Variants in SLC35D1 observed in about 807,000 individuals in gnomAD.
SLC35D1 encodes nucleotide sugar transporter SLC35D1.
A neutral mutation model predicts 46.7 loss-of-function variants in SLC35D1; 31 were observed. The observed-to-expected ratio is 0.66, with a 90% CI of 0.50 to 0.90. The LOEUF (loss-of-function observed/expected upper bound fraction) is 0.90, where lower values mean the gene tolerates loss of function less well. SLC35D1 is among the 40% of genes least tolerant of loss of function. SLC35D1 has a pLI of 0.00. For synonymous variants in SLC35D1, 195 were observed against 164.6 expected (o/e 1.18, Z -1.41); for missense variants, 397 against 426.2 (o/e 0.93, Z 0.60).
At chr1:66,976,832 T>A in the SLC35D1 span, 1 of 915,296 alleles carries the variant, frequency 1.1e-6, no homozygotes, top group African/African-American at 1.7e-5. Flanking sequence ...TACTTGATCT[T>A]AACCAGAAGG....
rs767110281 is a variant in SLC35D1 at position 67,001,431 on chromosome 1, A to C, written c.*2909T>G. 6.6e-6 allele frequency: 1 copy of C among 152,392 alleles called. No homozygotes were observed. Among genetic ancestry groups the C allele is most frequent in the Non-Finnish European group, 1.5e-5 (1 of 68,064 alleles). 9.4% of individuals were successfully genotyped at this position (152,392 alleles called of 1,614,324 possible). A position where few individuals can be genotyped will look rare whatever the true frequency, so the allele number is the denominator to read the frequency against. ...ATGCTGGCAATGTGTAGCCTGGCCAACTAGGGTTATTCCAATCCATTTAGC... is the reference window on the plus strand; with the variant it reads ...ATGCTGGCAATGTGTAGCCTGGCCACCTAGGGTTATTCCAATCCATTTAGC... On this transcript the variant is annotated 3_prime_UTR_variant, in exon 12 of 12. Coordinates refer to ENST00000235345, the MANE Select transcript of SLC35D1 (RefSeq NM_015139.3).
At chr1:67,044,600 C>T (rs988543902) in intron 7 of SLC35D1, among the ~76,000 whole-genome samples, 9 of 152,142 alleles carry the variant, frequency 5.9e-5, no homozygotes, top group African/African-American at 9.7e-5. Flanking sequence ...GCTTCTCACT[C>T]GATGATAGTA....
At chr1:67,052,650 TA>T in intron 3 of SLC35D1, 120 bp downstream of exon 3, 1 of 903,588 alleles carries the variant, frequency 1.1e-6, no homozygotes. Flanking sequence ...ACATTCATTA[TA>T]ACCACTCTAG....
the SLC35D1 span, among the ~76,000 whole-genome samples, chr1:66,979,852 C>G: frequency 2.6e-5 from 4 of 152,140 alleles, no homozygotes; most frequent in Non-Finnish European, 4.4e-5. Context: ...GCAACCTCCA[C>G]CGCCCGGGTT....
the SLC35D1 span, among the ~76,000 whole-genome samples, chr1:66,980,214 T>TA: frequency 2.0e-5 from 3 of 152,246 alleles, no homozygotes; most frequent in Non-Finnish European, 2.9e-5. Flanking sequence ...TCAAATTTGT[T>TA]ATGTAATTTT....
chr1:67,042,530 C>T (rs1014823058), intron 7 of SLC35D1, among the ~76,000 whole-genome samples: 2 of 152,074 alleles, frequency 1.3e-5, no homozygotes, highest in Admixed American at 6.5e-5. Flanking sequence ...AGCAAACTTA[C>T]AAAATTTTAT....
intron 10 of SLC35D1, among the ~76,000 whole-genome samples, chr1:67,017,595 G>A (rs1389251635): frequency 6.6e-6 from 1 of 152,124 alleles, no homozygotes; most frequent in Non-Finnish European, 1.5e-5. Context: ...CTTCAATGCT[G>A]ATTTGAACTA....
chr1:67,015,471 C>CCT (rs1667666358), intron 10 of SLC35D1, among the ~76,000 whole-genome samples: 1 of 150,906 alleles, frequency 6.6e-6, no homozygotes, highest in African/African-American at 2.4e-5. Flanking sequence ...CTCACTGCAA[C>CCT]CTCTCCCTCC....
At chr1:66,987,702 G>GATTAATTCACTAAGATTTT in the SLC35D1 span, 1 of 138,834 alleles carries the variant, frequency 7.2e-6, no homozygotes, top group South Asian at 2.2e-4. Flanking sequence ...ATTTTCATTA[G>GATTAATTCACTAAGATTTT]ATTAATTCAC....
At chr1:67,048,676 G>A (rs1006576858) in intron 6 of SLC35D1, among the ~76,000 whole-genome samples, 3 of 152,184 alleles carry the variant, frequency 2.0e-5, no homozygotes, top group South Asian at 2.1e-4. Context: ...CATATGTCTG[G>A]CAGAATGTGT....
intron 6 of SLC35D1, among the ~76,000 whole-genome samples, chr1:67,049,122 G>A (rs1447325839): frequency 2.0e-5 from 3 of 152,026 alleles, no homozygotes; most frequent in African/African-American, 7.2e-5. Flanking sequence ...GTGAAACTCC[G>A]TGTCTACTAA....
chr1:66,974,821 A>G, the SLC35D1 span, among the ~76,000 whole-genome samples: 1 of 152,174 alleles, frequency 6.6e-6, no homozygotes, highest in African/African-American at 2.4e-5. Context: ...TTATGTCTGG[A>G]ATTAAAGTTC....
chr1:67,039,493 T>TTGTGTGTG (rs71801070), intron 8 of SLC35D1, among the ~76,000 whole-genome samples: 9,822 of 148,532 alleles, frequency 0.066, 371 homozygotes, highest in East Asian at 0.12. Context: ...AGTGAAAAAA[T>TTGTGTGTG]TGTGTGTGTG....
chr1:67,043,204 A>AAT (rs199919594), intron 7 of SLC35D1, among the ~76,000 whole-genome samples: 3,927 of 151,336 alleles, frequency 0.026, 80 homozygotes, highest in Middle Eastern at 0.065. Flanking sequence ...TCAAAAAAAA[A>AAT]AACAAAAAAA....
At chr1:66,977,224 C>G in the SLC35D1 span, among the ~76,000 whole-genome samples, 2 of 152,106 alleles carry the variant, frequency 1.3e-5, no homozygotes, top group African/African-American at 4.8e-5. Context: ...ATTGTCCTGC[C>G]TCAGCCTCCC....
At chr1:67,011,814 A>G (rs1667571611) in intron 10 of SLC35D1, among the ~76,000 whole-genome samples, 1 of 152,170 alleles carries the variant, frequency 6.6e-6, no homozygotes, top group South Asian at 2.1e-4. Context: ...ATCTTGATTA[A>G]TGGGAGAAAA....
intron 11 of SLC35D1, among the ~76,000 whole-genome samples, chr1:67,008,093 T>C (rs1667486857): frequency 6.6e-6 from 1 of 152,220 alleles, no homozygotes; most frequent in Admixed American, 6.5e-5. Flanking sequence ...TTTTAAAAAA[T>C]TTTCAAGCAA....
chr1:67,019,284 C>T (rs987688334), intron 10 of SLC35D1, among the ~76,000 whole-genome samples: 11 of 152,302 alleles, frequency 7.2e-5, no homozygotes, highest in African/African-American at 2.4e-4. Flanking sequence ...GAGGCATTCA[C>T]TTTACAAAAC....
At chr1:67,038,909 T>C (rs1426984643) in intron 8 of SLC35D1, among the ~76,000 whole-genome samples, 1 of 152,064 alleles carries the variant, frequency 6.6e-6, no homozygotes, top group Non-Finnish European at 1.5e-5. Flanking sequence ...CCTTGCATTA[T>C]GTGCTCACTG....
Sources: allele counts gnomAD v4.1 joint callset (sites outside exome capture counted in the v4.1 genomes callset), GRCh38; gene constraint gnomAD v4.1.1; transcripts MANE v1.5; gene names NCBI Gene and HGNC (gene_info 2026-07-23, HGNC 2026-07-21).